RHOT1: variants seen among roughly 807,000 people sequenced by gnomAD.
RHOT1 encodes mitochondrial Rho GTPase 1.
RHOT1 carries 27 observed loss-of-function variants against 95.3 expected under a neutral mutation model. That is an observed-to-expected ratio of 0.28 (90% CI 0.21 to 0.39). The LOEUF (loss-of-function observed/expected upper bound fraction) is 0.39. Among genes scored for constraint, RHOT1 ranks in the 10% least tolerant of loss-of-function variants. The pLI is 1.00. For missense variants in RHOT1, 578 were observed against 786.7 expected (o/e 0.73, Z 3.17); for synonymous variants, 227 against 263.5 (o/e 0.86, Z 1.34).
chr17:32,199,853 A>C (rs1477726351), intron 13 of RHOT1, among the ~76,000 whole-genome samples: 1 of 152,094 alleles, frequency 6.6e-6, no homozygotes, highest in Non-Finnish European at 1.5e-5. Context: ...GCTGTTGCAC[A>C]ATTCTTACTC....
At chr17:32,147,079 C>G (rs2031473394) in intron 1 of RHOT1, among the ~76,000 whole-genome samples, 1 of 149,594 alleles carries the variant, frequency 6.7e-6, no homozygotes, top group South Asian at 2.1e-4. Context: ...GAGTCTCACC[C>G]TGTCACCCAG....
intron 1 of RHOT1, among the ~76,000 whole-genome samples, chr17:32,146,828 C>G (rs966231186): frequency 1.3e-5 from 2 of 151,016 alleles, no homozygotes. Flanking sequence ...CATCTTGGCT[C>G]ACTGTAACCT....
intron 19 of RHOT1, among the ~76,000 whole-genome samples, chr17:32,216,451 ACTT>A: frequency 6.6e-6 from 1 of 152,224 alleles, no homozygotes; most frequent in East Asian, 1.9e-4. Context: ...GGTTCATGTT[ACTT>A]CTTAAGTTCA....
intron 1 of RHOT1, among the ~76,000 whole-genome samples, chr17:32,152,793 A>G (rs1046870840): frequency 1.9e-4 from 29 of 151,602 alleles, no homozygotes; most frequent in Admixed American, 1.6e-3. Context: ...TTTTGATCAC[A>G]TTATTTATCT....
At chr17:32,217,198 G>A (rs939699786) in intron 19 of RHOT1, among the ~76,000 whole-genome samples, 2 of 152,116 alleles carry the variant, frequency 1.3e-5, no homozygotes, top group African/African-American at 4.8e-5. Context: ...AGCATTTCTT[G>A]ACATTAGTGC....
Position 32,204,157 on chromosome 17 carries a change from G to T in RHOT1, c.1416+184G>T, listed in dbSNP as rs181829866. Among the ~76,000 whole-genome samples, 3 of 152,156 alleles carry T rather than the reference G, an allele frequency of 2.0e-5. No individual in the cohort carries two copies. In the East Asian group the frequency reaches 5.8e-4, roughly 29 times the overall value. ...GCCCTGGCGAGCTCTTGGGCTCGAG[G>T]GATCTCCCACTTCAGCCTCCCAAGG... On this transcript the variant is annotated intron_variant, in intron 16 of 19. Coordinates refer to ENST00000545287, the MANE Select transcript of RHOT1 (RefSeq NM_001033566.3).
chr17:32,151,124 C>T, intron 1 of RHOT1: 4 of 857,170 alleles, frequency 4.7e-6, no homozygotes, highest in Non-Finnish European at 8.1e-6. Flanking sequence ...TCCAATTTAC[C>T]ATGACACTGG....
intron 1 of RHOT1, among the ~76,000 whole-genome samples, chr17:32,166,630 A>G (rs774284510): frequency 5.3e-5 from 8 of 152,218 alleles, no homozygotes; most frequent in East Asian, 1.9e-4. Flanking sequence ...TGTCATTTCA[A>G]TATTGCTCAC....
At chr17:32,192,042 T>G (rs1197844499) in intron 8 of RHOT1, among the ~76,000 whole-genome samples, 159 bp from the exon 9 acceptor site, 1 of 152,250 alleles carries the variant, frequency 6.6e-6, no homozygotes, top group East Asian at 1.9e-4. Flanking sequence ...TTGCCTCATT[T>G]ACTTAAAAAG....
At chr17:32,165,913 G>A (rs575327547) in intron 1 of RHOT1, among the ~76,000 whole-genome samples, 50 of 152,202 alleles carry the variant, frequency 3.3e-4, no homozygotes, top group African/African-American at 1.1e-3. Flanking sequence ...GGCTAGGTGT[G>A]GTGGTGCATG....
chr17:32,201,037 T>C lies in RHOT1; in HGVS notation c.1182T>C (p.Ser394=). 1 of 1,606,370 alleles carries C rather than the reference T, an allele frequency of 6.2e-7. No homozygotes were observed. Among genetic ancestry groups the C allele is most frequent in the Non-Finnish European group, 8.5e-7 (1 of 1,175,568 alleles). The change falls in exon 14 of 20, where the codon TCT becomes TCC. Residue 394 remains serine (S), a synonymous_variant. Transcript: ENST00000545287. The part of the protein sequence containing the change: ...LGYSILTEQE[S]QASAVTVTRD... ...ATTCAATATTGACTGAGCAAGAGTC[T>C]CAAGCTTCAGCTGTTACAGGTAAGT... is the stretch of plus-strand genomic sequence containing the variant.
chr17:32,198,850 G>C, intron 11 of RHOT1, 97 bp from the exon 12 acceptor site: 1 of 740,502 alleles, frequency 1.4e-6, no homozygotes. Flanking sequence ...CTTGTAAATG[G>C]TGTTACCTCA....
chr17:32,183,657 A>G (rs963207014), intron 8 of RHOT1, among the ~76,000 whole-genome samples: 1 of 152,234 alleles, frequency 6.6e-6, no homozygotes, highest in Admixed American at 6.5e-5. Flanking sequence ...ACAATGTAAT[A>G]CAATGTGACT....
At chr17:32,168,058 G>A (rs1177908010) in intron 1 of RHOT1, among the ~76,000 whole-genome samples, 1 of 151,120 alleles carries the variant, frequency 6.6e-6, no homozygotes, top group Non-Finnish European at 1.5e-5. Flanking sequence ...GGAAACATTT[G>A]TTTACAGAAT....
At position 32,201,074 on chromosome 17, in the gene RHOT1, G is replaced by T; in HGVS notation, c.1201+18G>T. On this transcript the variant is annotated intron_variant, in intron 14 of 19. Coordinates refer to ENST00000545287, the MANE Select transcript of RHOT1 (RefSeq NM_001033566.3). Reference sequence around the variant, plus strand: ...TGTTACAGGTAAGTATCTAGATACTGTTCAGCTCATGATTAGAGATATTTT... The same window carrying T: ...TGTTACAGGTAAGTATCTAGATACTTTTCAGCTCATGATTAGAGATATTTT... 7.1e-7 allele frequency: 1 copy of T among 1,404,316 alleles called. No individual in the cohort carries two copies. Among genetic ancestry groups the T allele is most frequent in the Non-Finnish European group, 9.9e-7 (1 of 1,010,016 alleles). 87.0% of individuals were successfully genotyped at this position (1,404,316 alleles called of 1,614,324 possible).
At chr17:32,202,653 C>T in intron 14 of RHOT1, 117 bp from the exon 15 acceptor site, 1 of 680,466 alleles carries the variant, frequency 1.5e-6, no homozygotes, top group Non-Finnish European at 2.4e-6. Context: ...GTTTATAGAT[C>T]AGCTACTTCA....
chr17:32,200,124 A>G (rs1398306129), intron 13 of RHOT1, among the ~76,000 whole-genome samples: 1 of 151,906 alleles, frequency 6.6e-6, no homozygotes. Flanking sequence ...ATACTTTTAT[A>G]TATCTTAATG....
chr17:32,224,533 C>A, intron 19 of RHOT1, 83 bp from the exon 20 acceptor site: 1 of 923,642 alleles, frequency 1.1e-6, no homozygotes, highest in Non-Finnish European at 1.7e-6. Flanking sequence ...CTAATACTTC[C>A]CTAAAAGTAG....
intron 2 of RHOT1, among the ~76,000 whole-genome samples, chr17:32,173,361 A>G (rs2034728704): frequency 6.6e-6 from 1 of 152,220 alleles, no homozygotes; most frequent in East Asian, 1.9e-4. Context: ...GAAATGCTCC[A>G]ATGAACATTT....
Sources: allele counts gnomAD v4.1 joint callset (sites outside exome capture counted in the v4.1 genomes callset), GRCh38; gene constraint gnomAD v4.1.1; transcripts MANE v1.5; gene names NCBI Gene and HGNC (gene_info 2026-07-23, HGNC 2026-07-21).